PLCL1: variants seen among roughly 807,000 people sequenced by gnomAD.
The protein encoded by PLCL1 is inactive phospholipase C-like protein 1.
In PLCL1, 41 loss-of-function variants were observed where a neutral mutation model predicts 84.4. That is an observed-to-expected ratio of 0.49 (90% CI 0.38 to 0.63). The LOEUF is 0.63. Ranked by LOEUF, PLCL1 falls within the 30% of genes least tolerant of loss-of-function variation. PLCL1 has a pLI of 0.00. For synonymous variants in PLCL1, 490 were observed against 488.3 expected (o/e 1.00, Z -0.05); for missense variants, 1,206 against 1,367.8 (o/e 0.88, Z 1.87).
At chr2:197,923,147 G>C (rs1340862746) in intron 1 of PLCL1, among the ~76,000 whole-genome samples, 6 of 144,856 alleles carry the variant, frequency 4.1e-5, no homozygotes, top group African/African-American at 1.5e-4. Context: ...CTTCCCAGTA[G>C]GGGCGGCCGG....
intron 1 of PLCL1, among the ~76,000 whole-genome samples, chr2:198,068,738 A>G (rs1016714627): frequency 7.9e-5 from 12 of 152,224 alleles, no homozygotes; most frequent in Non-Finnish European, 1.2e-4. Flanking sequence ...CCATTTAAAA[A>G]TTGCCACTGA....
At chr2:197,829,382 C>T (rs976159242) in intron 1 of PLCL1, among the ~76,000 whole-genome samples, 4 of 152,294 alleles carry the variant, frequency 2.6e-5, no homozygotes, top group Middle Eastern at 3.4e-3. Flanking sequence ...CACCACCTCT[C>T]ATATTGGTGT....
At chr2:197,856,832 T>C (rs1430689829) in intron 1 of PLCL1, among the ~76,000 whole-genome samples, 1 of 152,234 alleles carries the variant, frequency 6.6e-6, no homozygotes, top group South Asian at 2.1e-4. Flanking sequence ...ATTTATTACC[T>C]ACAATATTCT....
At chr2:198,146,669 TG>T in intron 5 of PLCL1, 110 bp from the exon 6 acceptor site, 1 of 813,494 alleles carries the variant, frequency 1.2e-6, no homozygotes, top group Non-Finnish European at 1.9e-6. Flanking sequence ...CTTGCAGGTC[TG>T]GGTCTGTTTC....
At chr2:198,115,960 TATA>T (rs1693736867) in intron 5 of PLCL1, among the ~76,000 whole-genome samples, 1 of 147,446 alleles carries the variant, frequency 6.8e-6, no homozygotes, top group South Asian at 2.1e-4. Context: ...AATATATACA[TATA>T]ATATATAAAA....
chr2:198,147,237 A>G lies in PLCL1; in HGVS notation c.*275A>G. On this transcript the variant is annotated 3_prime_UTR_variant, in exon 6 of 6. Coordinates refer to ENST00000428675, the MANE Select transcript of PLCL1 (RefSeq NM_006226.4). Reference sequence around the variant, plus strand: ...GTGTGTGTGTGTGTGTGTGTGTGGCAGAGAGAGAGAAAGAGAGAGAGAGAG... The same window carrying G: ...GTGTGTGTGTGTGTGTGTGTGTGGCGGAGAGAGAGAAAGAGAGAGAGAGAG... The G allele has an allele frequency of 8.4e-6, 1 of 118,848 alleles. No individual in the cohort carries two copies. Among genetic ancestry groups the G allele is most frequent in the African/African-American group, 3.6e-5 (1 of 27,546 alleles). The allele number at this position is 118,848 out of a possible 1,614,324, so 7.4% of individuals were successfully genotyped here. A position where few individuals can be genotyped will look rare whatever the true frequency, so the allele number is the denominator to read the frequency against.
chr2:197,898,464 T>C (rs1688197504), intron 1 of PLCL1, among the ~76,000 whole-genome samples: 1 of 152,124 alleles, frequency 6.6e-6, no homozygotes, highest in South Asian at 2.1e-4. Context: ...AGGTTGGCAT[T>C]TCACACCCCA....
chr2:197,931,694 ACCCAC>A (rs1688937725), intron 1 of PLCL1, among the ~76,000 whole-genome samples: 5 of 16,190 alleles, frequency 3.1e-4, no homozygotes, highest in Non-Finnish European at 1.3e-4. Context: ...CCACCCACCC[ACCCAC>A]CCAACCATCC....
At chr2:197,851,770 C>A (rs1687243923) in intron 1 of PLCL1, among the ~76,000 whole-genome samples, 1 of 152,200 alleles carries the variant, frequency 6.6e-6, no homozygotes, top group Non-Finnish European at 1.5e-5. Context: ...GAAGGTCTAG[C>A]CTTGGACAAA....
At chr2:198,118,261 C>T (rs185747082) in intron 5 of PLCL1, among the ~76,000 whole-genome samples, 7 of 151,922 alleles carry the variant, frequency 4.6e-5, no homozygotes, top group African/African-American at 1.7e-4. Flanking sequence ...GTTTTATCAA[C>T]CATACTAAAT....
chr2:197,893,692 A>G (rs1482509690), intron 1 of PLCL1, among the ~76,000 whole-genome samples: 3 of 149,368 alleles, frequency 2.0e-5, no homozygotes, highest in Non-Finnish European at 4.5e-5. Flanking sequence ...TTTAAACCCA[A>G]AGAAAGTTAG....
intron 1 of PLCL1, among the ~76,000 whole-genome samples, chr2:197,964,287 A>G (rs1280198692): frequency 1.3e-5 from 2 of 152,020 alleles, no homozygotes; most frequent in Non-Finnish European, 2.9e-5. Context: ...TAAATGTTGT[A>G]TAGTTTTCAT....
chr2:197,890,701 T>TATATATATATATATATAC (rs11270566), intron 1 of PLCL1, among the ~76,000 whole-genome samples: 1,186 of 118,332 alleles, frequency 0.01, 14 homozygotes, highest in Middle Eastern at 0.021. Context: ...TATATATATA[T>TATATATATATATATATAC]ACACACACAC....
At chr2:198,027,651 G>C (rs1163224180) in intron 1 of PLCL1, among the ~76,000 whole-genome samples, 1 of 151,750 alleles carries the variant, frequency 6.6e-6, no homozygotes, top group Non-Finnish European at 1.5e-5. Flanking sequence ...CCTAGAAAGG[G>C]GAAAAAAGAA....
intron 5 of PLCL1, among the ~76,000 whole-genome samples, chr2:198,105,601 GGTGTGTGTGTGT>G (rs72103336): frequency 1.9e-4 from 27 of 143,830 alleles, no homozygotes; most frequent in African/African-American, 5.6e-4. Flanking sequence ...TAATTTGCCT[GGTGTGTGTGTGT>G]GTGTGTGTGT....
intron 1 of PLCL1, among the ~76,000 whole-genome samples, chr2:198,056,847 T>C (rs920965759): frequency 6.6e-6 from 1 of 152,212 alleles, no homozygotes; most frequent in East Asian, 1.9e-4. Context: ...TTTGCACCCC[T>C]GGACACCACA....
intron 5 of PLCL1, among the ~76,000 whole-genome samples, chr2:198,110,680 C>A (rs1377329272): frequency 1.3e-5 from 2 of 151,834 alleles, no homozygotes; most frequent in East Asian, 1.9e-4. Flanking sequence ...TAAAATCATT[C>A]TATGAGATAC....
chr2:197,984,838 A>G (rs1444261338), intron 1 of PLCL1, among the ~76,000 whole-genome samples: 2 of 152,232 alleles, frequency 1.3e-5, no homozygotes, highest in African/African-American at 4.8e-5. Flanking sequence ...CCTAATTGAA[A>G]ATAAAAGGAT....
intron 1 of PLCL1, among the ~76,000 whole-genome samples, chr2:197,832,895 C>T (rs1399880294): frequency 1.3e-5 from 2 of 152,168 alleles, no homozygotes; most frequent in African/African-American, 2.4e-5. Flanking sequence ...GAATCAATGA[C>T]AAAAAACACA....
Sources: gnomAD v4.1 joint callset for allele counts (sites outside exome capture counted in the v4.1 genomes callset) on GRCh38, gnomAD v4.1.1 for gene constraint, MANE v1.5 for transcripts, NCBI Gene and HGNC (gene_info 2026-07-23, HGNC 2026-07-21) for gene names.